The following ITFG1 variants were observed in gnomAD, a reference collection of about 807,000 sequenced individuals.
ITFG1 encodes T-cell immunomodulatory protein.
A neutral mutation model predicts 81.8 loss-of-function variants in ITFG1; 34 were observed. That is an observed-to-expected ratio of 0.42 (90% CI 0.32 to 0.55). The LOEUF is 0.55. Among genes scored for constraint, ITFG1 ranks in the 20% least tolerant of loss-of-function variants. ITFG1 has a pLI of 0.17. For missense variants in ITFG1, 672 were observed against 755.4 expected, an observed-to-expected ratio of 0.89 and a Z score of 1.29; for synonymous variants, 285 against 270.6, an observed-to-expected ratio of 1.05 and a Z score of -0.52.
chr16:47,259,191 T>C (rs1433932284), intron 11 of ITFG1, among the ~76,000 whole-genome samples: 1 of 152,228 alleles, frequency 6.6e-6, no homozygotes, highest in Non-Finnish European at 1.5e-5. Context: ...TTCCTTTGAT[T>C]CTTTTCATGA....
At chr16:47,196,199 G>C (rs1344779043) in intron 14 of ITFG1, 1 of 148,214 alleles carries the variant, frequency 6.7e-6, no homozygotes, top group African/African-American at 2.5e-5. Flanking sequence ...ATGCATAAGT[G>C]TAGTTTTTTT....
At chr16:47,450,873 T>G (rs1969379850) in intron 5 of ITFG1, among the ~76,000 whole-genome samples, 3 of 152,304 alleles carry the variant, frequency 2.0e-5, no homozygotes, top group South Asian at 4.1e-4. Context: ...CACTTTTCCC[T>G]AAGAATTGCA....
At position 47,270,244 on chromosome 16, in the gene ITFG1, A is replaced by C. The variant is rs2151545712; in HGVS notation, c.1071-9549T>G. Among the ~76,000 whole-genome samples, 3 of 152,316 alleles carry C rather than the reference A, an allele frequency of 2.0e-5. No homozygotes were observed. In the Middle Eastern group the frequency reaches 0.01, roughly 518 times the overall value. On this transcript the variant is annotated intron_variant, in intron 10 of 17. Transcript: ENST00000320640. ...ACTAGATACTTCTCCCCTTTGAAAG[A>C]CATTGTTCAGAAAATGAAAAGATAA...
chr16:47,439,296 C>T (rs543770473), intron 5 of ITFG1, among the ~76,000 whole-genome samples: 1 of 152,270 alleles, frequency 6.6e-6, no homozygotes, highest in East Asian at 1.9e-4. Flanking sequence ...CCCGATCTAG[C>T]AAGGCAGGCC....
At chr16:47,227,120 A>G (rs977836818) in intron 13 of ITFG1, among the ~76,000 whole-genome samples, 18 of 152,238 alleles carry the variant, frequency 1.2e-4, no homozygotes, top group Middle Eastern at 3.4e-3. Flanking sequence ...ACCTGGGCCT[A>G]TAGGTCTTTT....
chr16:47,225,819 C>A lies in ITFG1; in HGVS notation c.1375-6873G>T, dbSNP rs565764997. 1.4e-4 allele frequency among the ~76,000 whole-genome samples: 22 copies of A among 152,054 alleles called. No individual in the cohort carries two copies. The South Asian group carries it at 4.4e-3, about 30-fold the overall frequency. On this transcript the variant is annotated intron_variant, in intron 13 of 17. Coordinates refer to ENST00000320640, the MANE Select transcript of ITFG1 (RefSeq NM_030790.5). ...GGGAATTCTGGCTGATCTGAAAGGACACTAGACAGTAATTTGAATCCACAC... is the reference window on the plus strand; with the variant it reads ...GGGAATTCTGGCTGATCTGAAAGGAAACTAGACAGTAATTTGAATCCACAC...
intron 12 of ITFG1, among the ~76,000 whole-genome samples, chr16:47,242,437 G>A (rs1965945787): frequency 6.6e-6 from 1 of 151,750 alleles, no homozygotes; most frequent in South Asian, 2.1e-4. Flanking sequence ...AAAATTGTCT[G>A]TAAGGAAAAT....
intron 14 of ITFG1, among the ~76,000 whole-genome samples, chr16:47,215,162 G>A (rs979384691): frequency 4.6e-5 from 7 of 152,156 alleles, no homozygotes; most frequent in Non-Finnish European, 7.4e-5. Context: ...TGTAGTTTCC[G>A]AAATACGTAA....
chr16:47,347,801 G>T (rs1338435124), intron 8 of ITFG1, among the ~76,000 whole-genome samples: 2 of 152,172 alleles, frequency 1.3e-5, no homozygotes, highest in Admixed American at 6.5e-5. Context: ...CCCAAGTAGG[G>T]GCAGACTGAC....
At chr16:47,359,747 G>A (rs1968085774) in intron 8 of ITFG1, among the ~76,000 whole-genome samples, 1 of 152,128 alleles carries the variant, frequency 6.6e-6, no homozygotes, top group African/African-American at 2.4e-5. Context: ...CGTCTGCATG[G>A]AGCATTTTCC....
chr16:47,215,842 TTTTA>T (rs1395224688), intron 14 of ITFG1, among the ~76,000 whole-genome samples: 1 of 152,220 alleles, frequency 6.6e-6, no homozygotes, highest in Non-Finnish European at 1.5e-5. Flanking sequence ...TGTGAGGGCT[TTTTA>T]TTTTTGTTTT....
chr16:47,440,669 TG>T (rs1969235689), intron 5 of ITFG1, among the ~76,000 whole-genome samples: 1 of 151,926 alleles, frequency 6.6e-6, no homozygotes, highest in African/African-American at 2.4e-5. Flanking sequence ...CCAGAATCTC[TG>T]GGACACATTC....
chr16:47,205,393 CAA>C (rs895280209), intron 14 of ITFG1, among the ~76,000 whole-genome samples: 15 of 152,140 alleles, frequency 9.9e-5, no homozygotes, highest in Admixed American at 4.6e-4. Context: ...ACCACTGGTC[CAA>C]AGACAATTCG....
intron 2 of ITFG1, among the ~76,000 whole-genome samples, chr16:47,458,300 C>T (rs1326010017): frequency 6.6e-6 from 1 of 152,202 alleles, no homozygotes; most frequent in Non-Finnish European, 1.5e-5. Flanking sequence ...CTTTCTACCT[C>T]CTCTTCATAA....
intron 12 of ITFG1, among the ~76,000 whole-genome samples, chr16:47,255,071 A>G (rs1966124409): frequency 6.6e-6 from 1 of 152,246 alleles, no homozygotes; most frequent in Admixed American, 6.5e-5. Context: ...TGGGCAATAG[A>G]CCGAGACTCT....
chr16:47,403,412 T>TA lies in ITFG1; in HGVS notation c.655+25391dup, dbSNP rs1491422993. 1.5e-4 allele frequency among the ~76,000 whole-genome samples: 23 copies of TA among 151,424 alleles called. No homozygotes were observed. The East Asian group carries it at 2.9e-3, about 19-fold the overall frequency. On this transcript the variant is annotated intron_variant, in intron 6 of 17. Transcript: ENST00000320640. ...TCAAAAAGTCATTTTCATTTTTTTT[T>TA]AAAAAAAAGGAGGTTAGGGGGTGAC...
chr16:47,162,483 TTAAA>T, intron 15 of ITFG1, 53 bp downstream of exon 15: 1 of 1,336,998 alleles, frequency 7.5e-7, no homozygotes, highest in Non-Finnish European at 1.0e-6. Context: ...ATTTAAATAC[TTAAA>T]TAGTGAATAT....
At chr16:47,379,217 T>A (rs953576983) in intron 6 of ITFG1, among the ~76,000 whole-genome samples, 2 of 152,112 alleles carry the variant, frequency 1.3e-5, no homozygotes, top group African/African-American at 4.8e-5. Context: ...GGGGTCCCCT[T>A]GAGGCTTTTA....
At chr16:47,266,431 TGG>T in intron 10 of ITFG1, among the ~76,000 whole-genome samples, 1 of 152,214 alleles carries the variant, frequency 6.6e-6, no homozygotes, top group Non-Finnish European at 1.5e-5. Flanking sequence ...TTGGCCCGGC[TGG>T]TCTTGAACTC....
Sources: gnomAD v4.1 joint callset for allele counts (sites outside exome capture counted in the v4.1 genomes callset) on GRCh38, gnomAD v4.1.1 for gene constraint, MANE v1.5 for transcripts, NCBI Gene and HGNC (gene_info 2026-07-23, HGNC 2026-07-21) for gene names.